Variants in ROBO2 observed in about 807,000 individuals in gnomAD.
ROBO2 encodes the protein roundabout guidance receptor 2.
Under a neutral mutation model 160.8 loss-of-function variants are expected in ROBO2, and 53 were observed. The observed-to-expected ratio is 0.33, with a 90% confidence interval of 0.26 to 0.41. ROBO2 has a LOEUF of 0.41. Among genes scored for constraint, ROBO2 ranks in the 10% least tolerant of loss-of-function variants. The probability of loss-of-function intolerance (pLI) is 1.00; values close to 1 mark genes in which losing one functional copy is unlikely to be tolerated. For missense variants in ROBO2, 1,577 were observed against 1,722.4 expected, an observed-to-expected ratio of 0.92 and a Z score of 1.49; for synonymous variants, 664 against 611.7, an observed-to-expected ratio of 1.09 and a Z score of -1.26.
chr3:76,368,996 A>G (rs1231893183), intron 2 of ROBO2, among the ~76,000 whole-genome samples: 2 of 151,952 alleles, frequency 1.3e-5, no homozygotes, highest in African/African-American at 4.8e-5. Flanking sequence ...TCACAATAAA[A>G]GAACCTTCCC....
chr3:76,227,898 A>C (rs1704388061), intron 2 of ROBO2, among the ~76,000 whole-genome samples: 1 of 152,186 alleles, frequency 6.6e-6, no homozygotes, highest in Non-Finnish European at 1.5e-5. Context: ...TTTTATCTAC[A>C]AACCCAAGCC....
chr3:77,378,859 G>A (rs1303296084), intron 2 of ROBO2, among the ~76,000 whole-genome samples: 1 of 151,716 alleles, frequency 6.6e-6, no homozygotes, highest in African/African-American at 2.4e-5. Flanking sequence ...TGTTTCTTCG[G>A]TAAAGTCTTC....
rs1229701835 is a variant in ROBO2, at chr3:77,168,952, A to G, written c.388+70612A>G. ...TTTAGATAGCTAAGTGTCTGTAAAA[A>G]GATTCTTTTTGTCATTAAGGAGCAA... is the stretch of plus-strand genomic sequence containing the variant. On this transcript the variant is annotated intron_variant, in intron 2 of 25. Coordinates refer to ENST00000461745, the Ensembl canonical transcript of ROBO2. 4.6e-5 allele frequency among the ~76,000 whole-genome samples: 7 copies of G among 152,270 alleles called. 2 individuals are homozygous for G. The highest frequency in any genetic ancestry group is 4.6e-4 in the Admixed American group (7 of 15,284).
intron 2 of ROBO2, among the ~76,000 whole-genome samples, chr3:76,816,445 G>A (rs963167462): frequency 3.9e-5 from 6 of 152,018 alleles, no homozygotes; most frequent in African/African-American, 1.4e-4. Context: ...GAGAGCCAAA[G>A]CGTGTGATTC....
chr3:76,407,528 A>C (rs1267613093), intron 2 of ROBO2, among the ~76,000 whole-genome samples: 1 of 151,914 alleles, frequency 6.6e-6, no homozygotes, highest in Non-Finnish European at 1.5e-5. Context: ...AAAAATACCC[A>C]TGTGAATATA....
At chr3:76,872,685 C>T (rs1365244257) in intron 2 of ROBO2, among the ~76,000 whole-genome samples, 1 of 151,832 alleles carries the variant, frequency 6.6e-6, no homozygotes, top group Non-Finnish European at 1.5e-5. Flanking sequence ...TCTATGTTTT[C>T]TATAAATTTT....
intron 2 of ROBO2, among the ~76,000 whole-genome samples, chr3:76,651,365 A>G (rs1046548547): frequency 1.2e-4 from 19 of 152,176 alleles, no homozygotes; most frequent in Non-Finnish European, 2.6e-4. Flanking sequence ...TGGCCAGGCC[A>G]GGCTCATGCC....
chr3:76,098,008 TA>T lies in ROBO2; in HGVS notation c.109+160407del, dbSNP rs572730135. On this transcript the variant is annotated intron_variant, in intron 2 of 26. Transcript: ENST00000487694. ...TTTGACACCCTTGAAATTCTCCATT[TA>T]TTTTTTTGCCATAGTGAGCTCATGG... Among the ~76,000 whole-genome samples the T allele has an allele frequency of 1.3e-4, 20 of 150,936 alleles. 1 individual carries two copies. The South Asian group carries it at 2.9e-3, about 22-fold the overall frequency.
chr3:76,598,688 G>A (rs934575483), intron 2 of ROBO2, among the ~76,000 whole-genome samples: 1 of 152,048 alleles, frequency 6.6e-6, no homozygotes, highest in African/African-American at 2.4e-5. Flanking sequence ...AAATGGTGAA[G>A]TTTTGTTTGT....
intron 2 of ROBO2, among the ~76,000 whole-genome samples, chr3:76,846,217 TATATATTCCTTG>T (rs2068761345): frequency 6.6e-6 from 1 of 152,174 alleles, no homozygotes; most frequent in Non-Finnish European, 1.5e-5. Context: ...ATCATAAGGA[TATATATTCCTTG>T]TTAGTAATTA....
At chr3:76,036,438 A>G (rs1044092511) in intron 2 of ROBO2, among the ~76,000 whole-genome samples, 2 of 138,478 alleles carry the variant, frequency 1.4e-5, no homozygotes, top group East Asian at 2.2e-4. Flanking sequence ...GCGTGAGCCA[A>G]TGCGCCAGGC....
chr3:76,760,243 A>C (rs1404094773), intron 2 of ROBO2, among the ~76,000 whole-genome samples: 2 of 151,794 alleles, frequency 1.3e-5, no homozygotes, highest in East Asian at 3.9e-4. Flanking sequence ...AATGTTTTAA[A>C]CATTTATGAG....
At chr3:76,893,136 T>C (rs953532893) in intron 2 of ROBO2, among the ~76,000 whole-genome samples, 3 of 152,150 alleles carry the variant, frequency 2.0e-5, no homozygotes, top group African/African-American at 4.8e-5. Context: ...CTTCAAAATA[T>C]ACGGTACGCA....
intron 2 of ROBO2, among the ~76,000 whole-genome samples, chr3:76,842,186 A>C (rs1052272924): frequency 6.6e-6 from 1 of 152,220 alleles, no homozygotes; most frequent in African/African-American, 2.4e-5. Flanking sequence ...CTGATGACAG[A>C]GTCATAAGAT....
chr3:77,425,557 G>A (rs1433151592), intron 2 of ROBO2, among the ~76,000 whole-genome samples: 1 of 152,122 alleles, frequency 6.6e-6, no homozygotes, highest in Non-Finnish European at 1.5e-5. Context: ...ACTGCAGTGA[G>A]AGGAACTGGG....
intron 2 of ROBO2, among the ~76,000 whole-genome samples, chr3:76,330,405 G>A (rs2108016860): frequency 6.6e-6 from 1 of 152,260 alleles, no homozygotes; most frequent in East Asian, 1.9e-4. Flanking sequence ...GCCTGCATGA[G>A]TATTAGAGCT....
In ROBO2 at chr3:76,537,205, G is replaced by A. The variant is rs182637422; in HGVS notation, c.110-560809G>A. Among the ~76,000 whole-genome samples, 757 of 152,042 alleles carry A rather than the reference G, an allele frequency of 5.0e-3. 8 individuals are homozygous for A. The highest frequency in any genetic ancestry group is 7.9e-3 in the Non-Finnish European group (540 of 67,982). On this transcript the variant is annotated intron_variant, in intron 2 of 26. Transcript: ENST00000487694. ...AAAGAGGAAAGATTTGGGATGAGTC[G>A]CATTGGGAGCAGAGATTAGGAAGGG...
intron 2 of ROBO2, among the ~76,000 whole-genome samples, chr3:76,529,871 G>C (rs1172103509): frequency 2.0e-5 from 3 of 152,092 alleles, no homozygotes; most frequent in African/African-American, 4.8e-5. Flanking sequence ...TGTGGAGGTG[G>C]CTTATTTCCA....
intron 2 of ROBO2, among the ~76,000 whole-genome samples, chr3:76,267,843 A>C (rs1490808824): frequency 6.6e-6 from 1 of 152,134 alleles, no homozygotes; most frequent in East Asian, 1.9e-4. Flanking sequence ...CCTAAAAGCA[A>C]TTACTTACTC....
Sources: gnomAD v4.1 joint callset for allele counts (sites outside exome capture counted in the v4.1 genomes callset) on GRCh38, gnomAD v4.1.1 for gene constraint, MANE v1.5 for transcripts, NCBI Gene and HGNC (gene_info 2026-07-23, HGNC 2026-07-21) for gene names.